The following MITF variants were observed in gnomAD, a reference collection of about 807,000 sequenced individuals.
MITF encodes microphthalmia-associated transcription factor.
MITF carries 17 observed loss-of-function variants against 60.5 expected under a neutral mutation model. The observed-to-expected ratio is 0.28, with a 90% CI of 0.19 to 0.42. The LOEUF is 0.42. Among genes scored for constraint, MITF ranks in the 10% least tolerant of loss-of-function variants. The pLI is 1.00. For missense variants in MITF, 622 were observed against 683.5 expected (o/e 0.91, Z 1.00); for synonymous variants, 260 against 248.5 (o/e 1.05, Z -0.43).
At chr3:69,886,200 G>A (rs879518300) in intron 2 of MITF, among the ~76,000 whole-genome samples, 1 of 152,070 alleles carries the variant, frequency 6.6e-6, no homozygotes, top group African/African-American at 2.4e-5. Context: ...TGTAGCAAAT[G>A]TTTACTACAG....
At chr3:69,911,517 A>G (rs1239994101) in intron 2 of MITF, among the ~76,000 whole-genome samples, 1 of 152,220 alleles carries the variant, frequency 6.6e-6, no homozygotes, top group Non-Finnish European at 1.5e-5. Context: ...AATTAGAAAG[A>G]CAAAGTTGAT....
intron 1 of MITF, among the ~76,000 whole-genome samples, chr3:69,760,513 C>A (rs2106799494): frequency 6.6e-6 from 1 of 152,312 alleles, no homozygotes; most frequent in South Asian, 2.1e-4. Context: ...TATTTATACC[C>A]ACTTGGAATT....
chr3:69,886,077 G>GA (rs2064609747), intron 2 of MITF, among the ~76,000 whole-genome samples: 1 of 152,076 alleles, frequency 6.6e-6, no homozygotes, highest in Non-Finnish European at 1.5e-5. Context: ...TCATATAGTT[G>GA]AACTCCATGG....
intron 1 of MITF, among the ~76,000 whole-genome samples, chr3:69,878,390 C>G (rs1336103769): frequency 6.6e-6 from 1 of 152,016 alleles, no homozygotes; most frequent in Non-Finnish European, 1.5e-5. Context: ...AGTACCAAAA[C>G]CATTAGAAGT....
At chr3:69,830,322 T>C (rs989739596) in intron 1 of MITF, among the ~76,000 whole-genome samples, 1 of 152,174 alleles carries the variant, frequency 6.6e-6, no homozygotes, top group African/African-American at 2.4e-5. Flanking sequence ...CCCAGTGTGC[T>C]GCACAGGAGC....
intron 1 of MITF, among the ~76,000 whole-genome samples, chr3:69,849,299 T>C (rs1360271507): frequency 6.6e-6 from 1 of 152,176 alleles, no homozygotes; most frequent in Non-Finnish European, 1.5e-5. Flanking sequence ...CTTGGGTCTA[T>C]GAATGAAGCA....
chr3:69,936,938 A>T, intron 2 of MITF: 4 of 450,744 alleles, frequency 8.9e-6, no homozygotes, highest in Non-Finnish European at 1.5e-5. Context: ...AGTAAATATT[A>T]GTAGGATTCT....
intron 1 of MITF, among the ~76,000 whole-genome samples, chr3:69,814,795 C>T (rs764536053): frequency 6.6e-5 from 10 of 152,122 alleles, no homozygotes; most frequent in Non-Finnish European, 1.2e-4. Flanking sequence ...AGTGGAGTCA[C>T]ATGGAGATTT....
intron 1 of MITF, among the ~76,000 whole-genome samples, chr3:69,787,583 G>A (rs985762315): frequency 6.6e-6 from 1 of 152,144 alleles, no homozygotes; most frequent in African/African-American, 2.4e-5. Flanking sequence ...AAAGCATTAA[G>A]TTGAATCTGT....
chr3:69,965,316 C>G lies in MITF; in HGVS notation c.*68C>G. On this transcript the variant is annotated 3_prime_UTR_variant, in exon 10 of 10. Coordinates refer to ENST00000352241, the MANE Select transcript of MITF (RefSeq NM_001354604.2). Reference sequence around the variant, plus strand: ...TTGATTCGTAGATTTAATAACTTACCTGAAGGGGTTTTCTTGATAATTTTC... The same window carrying G: ...TTGATTCGTAGATTTAATAACTTACGTGAAGGGGTTTTCTTGATAATTTTC... The G allele has an allele frequency of 6.5e-7, 1 of 1,546,030 alleles. No homozygotes were observed. Among genetic ancestry groups the G allele is most frequent in the Non-Finnish European group, 8.9e-7 (1 of 1,126,704 alleles).
intron 1 of MITF, among the ~76,000 whole-genome samples, chr3:69,832,166 T>C (rs2063458785): frequency 6.6e-6 from 1 of 152,188 alleles, no homozygotes; most frequent in Non-Finnish European, 1.5e-5. Context: ...AGTGCTGGGC[T>C]GGGCAGTTCT....
intron 2 of MITF, among the ~76,000 whole-genome samples, chr3:69,930,514 C>T (rs543431183): frequency 9.2e-5 from 14 of 152,306 alleles, no homozygotes; most frequent in Non-Finnish European, 1.6e-4. Flanking sequence ...ATCTCACCAA[C>T]TTCAGGTCTG....
chr3:69,776,098 C>G (rs2062469598), intron 1 of MITF, among the ~76,000 whole-genome samples: 1 of 152,092 alleles, frequency 6.6e-6, no homozygotes, highest in Non-Finnish European at 1.5e-5. Flanking sequence ...ACATTCATGC[C>G]TTAGGAAAAT....
At chr3:69,885,245 C>T (rs2064585382) in intron 2 of MITF, among the ~76,000 whole-genome samples, 1 of 152,134 alleles carries the variant, frequency 6.6e-6, no homozygotes, top group South Asian at 2.1e-4. Context: ...TTTGCAATCA[C>T]TGAATTCATC....
At chr3:69,770,466 A>T (rs2062376302) in intron 1 of MITF, among the ~76,000 whole-genome samples, 1 of 152,186 alleles carries the variant, frequency 6.6e-6, no homozygotes, top group Non-Finnish European at 1.5e-5. Flanking sequence ...TGGTTAGGTT[A>T]ATAACTTGGA....
chr3:69,751,113 A>T (rs906692126), intron 1 of MITF, among the ~76,000 whole-genome samples: 2 of 152,198 alleles, frequency 1.3e-5, no homozygotes, highest in African/African-American at 4.8e-5. Flanking sequence ...AACTTGAAGC[A>T]TACTGCAGTC....
chr3:69,789,442 C>T (rs2062704023), intron 1 of MITF, among the ~76,000 whole-genome samples: 1 of 152,154 alleles, frequency 6.6e-6, no homozygotes, highest in Admixed American at 6.5e-5. Context: ...AGAGAAGTAT[C>T]ACCTCATACT....
chr3:69,943,072 C>CTTTT (rs781031439), intron 5 of MITF, among the ~76,000 whole-genome samples: 3 of 124,890 alleles, frequency 2.4e-5, no homozygotes, highest in African/African-American at 9.0e-5. Context: ...TTAGCCTCCT[C>CTTTT]TTTTTTTTTT....
intron 1 of MITF, among the ~76,000 whole-genome samples, chr3:69,845,442 C>CTTTTTTTTTTTTTTTTTT: frequency 7.3e-6 from 1 of 136,820 alleles, no homozygotes; most frequent in African/African-American, 2.7e-5. Context: ...TTTTTTCTTT[C>CTTTTTTTTTTTTTTTTTT]TTTTTTTTTT....
Sources: gnomAD v4.1 joint callset for allele counts (sites outside exome capture counted in the v4.1 genomes callset) on GRCh38, gnomAD v4.1.1 for gene constraint, MANE v1.5 for transcripts, NCBI Gene and HGNC (gene_info 2026-07-23, HGNC 2026-07-21) for gene names.